Variants in CLASP1 observed in about 807,000 individuals in gnomAD.
CLASP1 encodes CLIP-associating protein 1.
A neutral mutation model predicts 192.3 loss-of-function variants in CLASP1; 38 were observed. That is an observed-to-expected ratio of 0.20 (90% CI 0.15 to 0.26). The LOEUF (loss-of-function observed/expected upper bound fraction) is 0.26, where lower values mean the gene tolerates loss of function less well. CLASP1 is among the 10% of genes least tolerant of loss of function. The pLI is 1.00. For missense variants in CLASP1, 1,433 were observed against 1,932.5 expected, an observed-to-expected ratio of 0.74 and a Z score of 4.85; for synonymous variants, 691 against 712.8, an observed-to-expected ratio of 0.97 and a Z score of 0.49.
intron 1 of CLASP1, among the ~76,000 whole-genome samples, chr2:121,612,857 G>C (rs1228633215): frequency 2.6e-5 from 4 of 152,204 alleles, no homozygotes; most frequent in African/African-American, 9.7e-5. Flanking sequence ...CCTGCAGTCA[G>C]TTCTATAATC....
chr2:121,633,268 C>T (rs1043427294), intron 1 of CLASP1, among the ~76,000 whole-genome samples: 1 of 151,950 alleles, frequency 6.6e-6, no homozygotes, highest in Non-Finnish European at 1.5e-5. Flanking sequence ...CTTACATTCA[C>T]TCATAATAAA....
chr2:121,531,904 T>A (rs984345374), intron 2 of CLASP1, among the ~76,000 whole-genome samples: 3 of 152,160 alleles, frequency 2.0e-5, no homozygotes, highest in Non-Finnish European at 4.4e-5. Flanking sequence ...ATAGTGAGCT[T>A]TTTGTGGAAT....
intron 8 of CLASP1, among the ~76,000 whole-genome samples, chr2:121,479,659 C>G (rs769901453): frequency 3.3e-5 from 5 of 152,114 alleles, no homozygotes; most frequent in Non-Finnish European, 7.4e-5. Context: ...ACTTTTTCTT[C>G]TAAGTTCCTA....
intron 2 of CLASP1, among the ~76,000 whole-genome samples, chr2:121,581,954 G>A (rs1015505450): frequency 3.3e-5 from 5 of 152,004 alleles, no homozygotes; most frequent in African/African-American, 1.2e-4. Context: ...AGGCCCAGGC[G>A]GGCGGATCAC....
intron 1 of CLASP1, among the ~76,000 whole-genome samples, chr2:121,624,947 A>G (rs187967160): frequency 6.6e-6 from 1 of 152,292 alleles, no homozygotes; most frequent in Non-Finnish European, 1.5e-5. Flanking sequence ...TGTGTAGTTT[A>G]ATTTTCACAT....
intron 30 of CLASP1, among the ~76,000 whole-genome samples, chr2:121,391,205 A>C (rs1386512130): frequency 6.6e-6 from 1 of 152,218 alleles, no homozygotes; most frequent in Non-Finnish European, 1.5e-5. Context: ...AAATGCAAAC[A>C]GTGAAGTATG....
At chr2:121,353,429 C>T (rs1405993087) in intron 37 of CLASP1, among the ~76,000 whole-genome samples, 1 of 152,138 alleles carries the variant, frequency 6.6e-6, no homozygotes, top group Non-Finnish European at 1.5e-5. Context: ...TATGCCCTCT[C>T]CAATGACCTC....
In CLASP1 at chr2:121,514,985, TG is replaced by T. The variant is rs143536052; in HGVS notation, c.644+679del. On this transcript the variant is annotated intron_variant, in intron 7 of 39. Transcript: ENST00000263710. ...CCTGTGAGTCCACTCCAGTTCTATC[TG>T]GAATTTTAACATTACTTTCCCCCTT... Among the ~76,000 whole-genome samples the T allele has an allele frequency of 9.2e-3, 1,404 of 152,342 alleles. 18 individuals carry two copies. The highest frequency in any genetic ancestry group is 0.032 in the African/African-American group (1,346 of 41,588).
chr2:121,385,298 C>T (rs6712802), intron 32 of CLASP1, among the ~76,000 whole-genome samples: 35,970 of 151,978 alleles, frequency 0.24, 6,539 homozygotes, highest in African/African-American at 0.5. Context: ...CACTGAATGA[C>T]GGCAAGTTAA....
At chr2:121,436,826 T>A (rs1212856523) in intron 19 of CLASP1, among the ~76,000 whole-genome samples, 1 of 152,252 alleles carries the variant, frequency 6.6e-6, no homozygotes, top group African/African-American at 2.4e-5. Context: ...ATTTCTTTAC[T>A]ATCTTGCATG....
intron 2 of CLASP1, among the ~76,000 whole-genome samples, chr2:121,564,238 G>A (rs1035577953): frequency 1.3e-5 from 2 of 152,150 alleles, no homozygotes; most frequent in African/African-American, 2.4e-5. Context: ...AAAAGGTGGC[G>A]GCGGGGTAGG....
At chr2:121,588,581 G>GT (rs1328114878) in intron 2 of CLASP1, among the ~76,000 whole-genome samples, 1 of 152,206 alleles carries the variant, frequency 6.6e-6, no homozygotes, top group Non-Finnish European at 1.5e-5. Context: ...GCACTGGGCA[G>GT]TGCCTGGGCA....
chr2:121,581,458 T>G (rs1191885831), intron 2 of CLASP1, among the ~76,000 whole-genome samples: 3 of 151,474 alleles, frequency 2.0e-5, no homozygotes, highest in African/African-American at 7.3e-5. Flanking sequence ...GTATTTTTAG[T>G]AGAGACGGGG....
At chr2:121,570,800 C>T (rs1576093720) in intron 2 of CLASP1, among the ~76,000 whole-genome samples, 1 of 152,196 alleles carries the variant, frequency 6.6e-6, no homozygotes, top group South Asian at 2.1e-4. Flanking sequence ...GATGCCAAGG[C>T]TTTCATCCAA....
At chr2:121,524,280 C>G (rs1011512600) in intron 6 of CLASP1, among the ~76,000 whole-genome samples, 1 of 151,982 alleles carries the variant, frequency 6.6e-6, no homozygotes, top group Non-Finnish European at 1.5e-5. Flanking sequence ...ATTTTTCCCA[C>G]GGAAAACAAA....
chr2:121,469,164 G>A (rs995308040), intron 9 of CLASP1, among the ~76,000 whole-genome samples: 15 of 152,018 alleles, frequency 9.9e-5, no homozygotes, highest in African/African-American at 3.1e-4. Flanking sequence ...AAGAGCCTGC[G>A]GTCCAGGTAG....
At chr2:121,608,827 T>C (rs1430868796) in intron 1 of CLASP1, among the ~76,000 whole-genome samples, 1 of 152,282 alleles carries the variant, frequency 6.6e-6, no homozygotes, top group East Asian at 1.9e-4. Context: ...AAAAATTTCA[T>C]AGCGTTTACT....
At chr2:121,447,188 G>A in intron 19 of CLASP1, 149 bp downstream of exon 19, 1 of 718,800 alleles carries the variant, frequency 1.4e-6, no homozygotes, top group Non-Finnish European at 2.3e-6. Flanking sequence ...TGGCTGATCA[G>A]CAGCAAGTGC....
At chr2:121,530,726 C>G (rs2094763966) in intron 2 of CLASP1, 4 of 513,852 alleles carry the variant, frequency 7.8e-6, no homozygotes, top group Non-Finnish European at 1.4e-5. Flanking sequence ...CCTTCGGGAG[C>G]CTCAGAAAAC....
Sources: gnomAD v4.1 joint callset for allele counts (sites outside exome capture counted in the v4.1 genomes callset) on GRCh38, gnomAD v4.1.1 for gene constraint, MANE v1.5 for transcripts, NCBI Gene and HGNC (gene_info 2026-07-23, HGNC 2026-07-21) for gene names.